The following HEMK2 variants were observed in gnomAD, a reference collection of about 807,000 sequenced individuals.
The protein encoded by HEMK2 is methyltransferase HEMK2.
chr21:28,599,477 T>C, the HEMK2 span, among the ~76,000 whole-genome samples: 1 of 152,100 alleles, frequency 6.6e-6, no homozygotes, highest in South Asian at 2.1e-4. Context: ...GAAAATCACC[T>C]CCATGATTCA....
chr21:28,849,362 A>C, the HEMK2 span, among the ~76,000 whole-genome samples: 39,455 of 151,786 alleles, frequency 0.26, 5,882 homozygotes, highest in African/African-American at 0.4. Flanking sequence ...ACAACAACAA[A>C]AAAAAACCCA....
At chr21:28,848,813 A>T in the HEMK2 span, among the ~76,000 whole-genome samples, 5 of 152,332 alleles carry the variant, frequency 3.3e-5, no homozygotes, top group East Asian at 9.6e-4. Flanking sequence ...ACCACCACCA[A>T]CTATGAATAC....
At chr21:28,769,583 A>G in the HEMK2 span, among the ~76,000 whole-genome samples, 2 of 152,160 alleles carry the variant, frequency 1.3e-5, no homozygotes, top group Non-Finnish European at 2.9e-5. Flanking sequence ...TAAAATAATC[A>G]TAGATATTTT....
the HEMK2 span, among the ~76,000 whole-genome samples, chr21:28,871,766 T>A: frequency 3.3e-5 from 5 of 152,208 alleles, no homozygotes; most frequent in East Asian, 9.6e-4. Flanking sequence ...ATGCTCCCTC[T>A]GAAGCCTTGA....
the HEMK2 span, among the ~76,000 whole-genome samples, chr21:28,651,473 G>A: frequency 6.6e-6 from 1 of 152,116 alleles, no homozygotes; most frequent in Non-Finnish European, 1.5e-5. Flanking sequence ...AAATAAAACA[G>A]AATAAAGTAG....
chr21:28,790,245 A>C, the HEMK2 span, among the ~76,000 whole-genome samples: 12 of 152,330 alleles, frequency 7.9e-5, no homozygotes, highest in Admixed American at 6.5e-4. Flanking sequence ...TTTGATGATA[A>C]ACACCTGCAA....
the HEMK2 span, among the ~76,000 whole-genome samples, chr21:28,844,510 G>A: frequency 6.6e-6 from 1 of 152,020 alleles, no homozygotes; most frequent in Non-Finnish European, 1.5e-5. Context: ...TATTTTTAAT[G>A]ACATTTTTGC....
At chr21:28,682,795 C>T in the HEMK2 span, among the ~76,000 whole-genome samples, 12 of 152,070 alleles carry the variant, frequency 7.9e-5, no homozygotes, top group Admixed American at 2.0e-4. Context: ...AGCAAACTAT[C>T]GCAAGGACAA....
At chr21:28,783,997 G>A in the HEMK2 span, among the ~76,000 whole-genome samples, 3 of 152,216 alleles carry the variant, frequency 2.0e-5, no homozygotes, top group Non-Finnish European at 2.9e-5. Flanking sequence ...TCCCTGCGGG[G>A]CAGGGCTCGG....
At chr21:28,576,202 C>T in the HEMK2 span, among the ~76,000 whole-genome samples, 1 of 152,212 alleles carries the variant, frequency 6.6e-6, no homozygotes, top group African/African-American at 2.4e-5. Flanking sequence ...TTTTATTCCC[C>T]AACCAGCATA....
chr21:28,576,428 G>C, the HEMK2 span, among the ~76,000 whole-genome samples: 113 of 151,658 alleles, frequency 7.5e-4, no homozygotes, highest in African/African-American at 2.7e-3. Context: ...TTTTAAATTA[G>C]GTTTGTCTTT....
At chr21:28,731,195 T>G in the HEMK2 span, among the ~76,000 whole-genome samples, 1 of 152,198 alleles carries the variant, frequency 6.6e-6, no homozygotes, top group Admixed American at 6.5e-5. Flanking sequence ...TAGTAAGTAA[T>G]GAGAACCCGC....
chr21:28,749,636 C>T, the HEMK2 span, among the ~76,000 whole-genome samples: 2 of 152,192 alleles, frequency 1.3e-5, no homozygotes, highest in Non-Finnish European at 2.9e-5. Flanking sequence ...TGAACTTGAT[C>T]GTCAGAGTAT....
chr21:28,790,330 G>A, the HEMK2 span, among the ~76,000 whole-genome samples: 11 of 152,184 alleles, frequency 7.2e-5, no homozygotes, highest in Non-Finnish European at 1.2e-4. Flanking sequence ...TAGGTGGGAA[G>A]GAGGGGGATT....
the HEMK2 span, among the ~76,000 whole-genome samples, chr21:28,801,511 T>C: frequency 6.6e-6 from 1 of 152,024 alleles, no homozygotes; most frequent in Admixed American, 6.5e-5. Flanking sequence ...AAATGATAAT[T>C]TGATGACAAA....
the HEMK2 span, among the ~76,000 whole-genome samples, chr21:28,738,821 G>C: frequency 6.6e-6 from 1 of 152,178 alleles, no homozygotes; most frequent in Non-Finnish European, 1.5e-5. Context: ...TCATTCAACA[G>C]AGGCCAACTT....
At chr21:28,866,803 A>G in the HEMK2 span, among the ~76,000 whole-genome samples, 3 of 152,246 alleles carry the variant, frequency 2.0e-5, no homozygotes, top group Non-Finnish European at 4.4e-5. Context: ...TGTAGAGATT[A>G]GTAGCCAGAA....
chr21:28,871,737 T>C, the HEMK2 span, among the ~76,000 whole-genome samples: 1 of 152,126 alleles, frequency 6.6e-6, no homozygotes, highest in East Asian at 1.9e-4. Context: ...GTGTCTGAAA[T>C]AAAGGTGTGG....
the HEMK2 span, among the ~76,000 whole-genome samples, chr21:28,735,982 A>G: frequency 6.6e-6 from 1 of 152,182 alleles, no homozygotes; most frequent in South Asian, 2.1e-4. Context: ...TCTACCCCAT[A>G]CTAAAAACTA....
Sources: gnomAD v4.1 joint callset for allele counts (sites outside exome capture counted in the v4.1 genomes callset) on GRCh38, gnomAD v4.1.1 for gene constraint, MANE v1.5 for transcripts, NCBI Gene and HGNC (gene_info 2026-07-23, HGNC 2026-07-21) for gene names.